The following BCAS3 variants were observed in gnomAD, a reference collection of about 807,000 sequenced individuals.
BCAS3 encodes BCAS3 microtubule associated cell migration factor, also known as BCAS4/BCAS3 fusion.
In BCAS3, 53 loss-of-function variants were observed where a neutral mutation model predicts 116.1. That is an observed-to-expected ratio of 0.46 (90% CI 0.37 to 0.57). The LOEUF (loss-of-function observed/expected upper bound fraction) is 0.57. BCAS3 is among the 20% of genes least tolerant of loss of function. The probability of loss-of-function intolerance (pLI) is 0.00; values close to 1 mark genes in which losing one functional copy is unlikely to be tolerated. For missense variants in BCAS3, 917 were observed against 1,165.4 expected, an observed-to-expected ratio of 0.79 and a Z score of 3.10; for synonymous variants, 391 against 408.2, an observed-to-expected ratio of 0.96 and a Z score of 0.51.
At chr17:61,270,207 C>T (rs1424027557) in intron 22 of BCAS3, among the ~76,000 whole-genome samples, 1 of 150,008 alleles carries the variant, frequency 6.7e-6, no homozygotes, top group African/African-American at 2.5e-5. Flanking sequence ...GCAACCTCTG[C>T]CTCCCAGGTT....
At chr17:61,149,353 C>T (rs571164899) in intron 22 of BCAS3, among the ~76,000 whole-genome samples, 3 of 151,942 alleles carry the variant, frequency 2.0e-5, no homozygotes, top group Admixed American at 6.6e-5. Flanking sequence ...GAAGATTATT[C>T]GAGAAGAATT....
chr17:61,317,073 TA>T (rs1314256360), intron 22 of BCAS3, among the ~76,000 whole-genome samples: 5 of 152,228 alleles, frequency 3.3e-5, no homozygotes, highest in African/African-American at 1.2e-4. Context: ...TTTGTTTTCT[TA>T]AAAAAGTTTA....
chr17:60,921,612 C>CAA (rs755864096), intron 12 of BCAS3, among the ~76,000 whole-genome samples: 422 of 32,154 alleles, frequency 0.013, no homozygotes, highest in Non-Finnish European at 0.025. Context: ...GACTCCGTCT[C>CAA]AAAAAAAAAA....
Position 60,967,860 on chromosome 17 carries a change from A to G in BCAS3, c.1221+20508A>G, listed in dbSNP as rs766851085. ...TCTGATGACTTCTTCAGTTCAGCAA[A>G]TATGTTTCTCAGTTCCAAGATTTCT... On this transcript the variant is annotated intron_variant, in intron 14 of 23. Coordinates refer to ENST00000407086, the MANE Select transcript of BCAS3 (RefSeq NM_017679.5). This position sits in a 1 kb window ranked among gnomAD's most constrained non-coding sequence, Gnocchi z 4.7. Among the ~76,000 whole-genome samples, 1 of 152,008 alleles carries G rather than the reference A, an allele frequency of 6.6e-6. No individual in the cohort carries two copies. Among genetic ancestry groups the G allele is most frequent in the Non-Finnish European group, 1.5e-5 (1 of 68,002 alleles).
chr17:61,070,282 G>A, intron 19 of BCAS3: 2 of 1,426,354 alleles, frequency 1.4e-6, no homozygotes, highest in Non-Finnish European at 1.9e-6. Context: ...GAAGGCATAT[G>A]TTCGACTGGC....
In BCAS3 at chr17:61,348,866, C is replaced by T. The variant is rs1160096810; in HGVS notation, c.2426-19461C>T. On this transcript the variant is annotated intron_variant, in intron 22 of 23. Coordinates refer to ENST00000407086, the MANE Select transcript of BCAS3 (RefSeq NM_017679.5). The surrounding 1 kb of genome is among the most constrained non-coding windows in gnomAD (Gnocchi z 4.5). Reference sequence around the variant, plus strand: ...CTCCCAGGTTAATGCCATTCTCCTGCCTCAGCTTCCCGAGTAGCTGGGACT... The same window carrying T: ...CTCCCAGGTTAATGCCATTCTCCTGTCTCAGCTTCCCGAGTAGCTGGGACT... Among the ~76,000 whole-genome samples the T allele has an allele frequency of 1.3e-5, 2 of 151,510 alleles. No homozygotes were observed. The highest frequency in any genetic ancestry group is 2.9e-5 in the Non-Finnish European group (2 of 67,964).
chr17:60,986,823 T>C (rs535872034), intron 14 of BCAS3: 1 of 152,294 alleles, frequency 6.6e-6, no homozygotes, highest in South Asian at 2.1e-4. Context: ...GTTCAAAATC[T>C]TTTTTAACTT....
In BCAS3 at chr17:61,104,608, C is replaced by T. The variant is rs139524334; in HGVS notation, c.2425+20044C>T. On this transcript the variant is annotated intron_variant, in intron 22 of 23. Transcript: ENST00000407086. This position sits in a 1 kb window ranked among gnomAD's most constrained non-coding sequence, Gnocchi z 4.1. The stretch of plus-strand genomic sequence containing the variant: ...CTCATTTACTTAGGATCCGTGTCAG[C>T]GCCTTGAGCTCCAAATCGGGTATTA... 6.6e-6 allele frequency among the ~76,000 whole-genome samples: 1 copy of T among 152,256 alleles called. No individual in the cohort carries two copies. Among genetic ancestry groups the T allele is most frequent in the African/African-American group, 2.4e-5 (1 of 41,558 alleles).
chr17:60,902,506 A>G (rs2057960861), intron 10 of BCAS3, 114 bp from the exon 11 acceptor site: 2 of 834,896 alleles, frequency 2.4e-6, no homozygotes, highest in South Asian at 3.2e-5. Flanking sequence ...TCATGCAAAC[A>G]TTCCCACCCA....
intron 23 of BCAS3, among the ~76,000 whole-genome samples, chr17:61,386,582 G>C (rs887657024): frequency 1.3e-5 from 2 of 152,192 alleles, no homozygotes; most frequent in Admixed American, 1.3e-4. Context: ...GTGAACCAGG[G>C]GCCCCAGGCA....
intron 22 of BCAS3, among the ~76,000 whole-genome samples, chr17:61,308,967 A>G (rs906675898): frequency 6.6e-6 from 1 of 152,192 alleles, no homozygotes; most frequent in Non-Finnish European, 1.5e-5. Context: ...GGTTGGGAGA[A>G]TATTATATGT....
At chr17:60,742,600 T>C (rs2041670296) in intron 5 of BCAS3, among the ~76,000 whole-genome samples, 2 of 151,438 alleles carry the variant, frequency 1.3e-5, no homozygotes, top group African/African-American at 4.9e-5. Context: ...GCCCGGCTAA[T>C]TTTTGTATTT....
chr17:61,173,248 G>A (rs570367820), intron 22 of BCAS3, among the ~76,000 whole-genome samples: 8 of 152,092 alleles, frequency 5.3e-5, no homozygotes, highest in African/African-American at 1.9e-4. Flanking sequence ...GCCAGGAGTT[G>A]ACACCAGCCT....
intron 22 of BCAS3, among the ~76,000 whole-genome samples, chr17:61,206,896 G>A (rs1212208767): frequency 6.7e-6 from 1 of 149,376 alleles, no homozygotes; most frequent in Non-Finnish European, 1.5e-5. Context: ...TGTTTTGTAT[G>A]GTTTGTTGTT....
intron 2 of BCAS3, among the ~76,000 whole-genome samples, chr17:60,680,371 T>A (rs2032862040): frequency 6.6e-6 from 1 of 152,126 alleles, no homozygotes; most frequent in African/African-American, 2.4e-5. Flanking sequence ...GATTATTTCA[T>A]CACCCAGGTA....
At chr17:61,070,183 A>C in intron 19 of BCAS3, 2 of 1,564,620 alleles carry the variant, frequency 1.3e-6, no homozygotes, top group Non-Finnish European at 1.7e-6. Context: ...TGTTAAAGCC[A>C]ACAAGCACCA....
intron 22 of BCAS3, among the ~76,000 whole-genome samples, chr17:61,125,992 T>C (rs11079416): frequency 0.96 from 146,009 of 152,280 alleles, 70,329 homozygotes; most frequent in East Asian, 1. Context: ...TACGATTTCT[T>C]CTAGCTATGG....
At chr17:61,067,734 A>ATATATATATATATATAT (rs1568273619) in intron 19 of BCAS3, among the ~76,000 whole-genome samples, 1 of 139,372 alleles carries the variant, frequency 7.2e-6, no homozygotes, top group African/African-American at 3.1e-5. Context: ...AACAAAAAAA[A>ATATATATATATATATAT]AAAAAAATAT....
At chr17:61,086,772 T>C in intron 22 of BCAS3, 1 of 985,436 alleles carries the variant, frequency 1.0e-6, no homozygotes, top group South Asian at 4.7e-5. Flanking sequence ...TGTGCTGCCT[T>C]CTTTAACTTT....
Sources: gnomAD v4.1 joint callset for allele counts (sites outside exome capture counted in the v4.1 genomes callset) on GRCh38, gnomAD v4.1.1 for gene constraint, Gnocchi (gnomAD v3.1) non-coding constraint, MANE v1.5 for transcripts, NCBI Gene and HGNC (gene_info 2026-07-23, HGNC 2026-07-21) for gene names.